CCSER2: variants seen among roughly 807,000 people sequenced by gnomAD.
The protein encoded by CCSER2 is serine-rich coiled-coil domain-containing protein 2.
In CCSER2, 46 loss-of-function variants were observed where a neutral mutation model predicts 92.3. The ratio of observed to expected loss-of-function variants is 0.50; its 90% CI spans 0.39 to 0.64. The LOEUF is 0.64. CCSER2 is among the 30% of genes least tolerant of loss of function. CCSER2 has a pLI of 0.00. For synonymous variants in CCSER2, 433 were observed against 431.4 expected, an observed-to-expected ratio of 1.00 and a Z score of -0.04; for missense variants, 1,244 against 1,238.9, an observed-to-expected ratio of 1.00 and a Z score of -0.06.
intron 5 of CCSER2, among the ~76,000 whole-genome samples, chr10:84,436,987 T>C (rs1414552930): frequency 6.6e-6 from 1 of 152,200 alleles, no homozygotes; most frequent in Non-Finnish European, 1.5e-5. Flanking sequence ...TTTAATGCAT[T>C]ATGAATTTAA....
At chr10:84,444,072 A>G (rs1305336500) in intron 6 of CCSER2, among the ~76,000 whole-genome samples, 2 of 152,124 alleles carry the variant, frequency 1.3e-5, no homozygotes, top group African/African-American at 4.8e-5. Context: ...GCAAACCGCT[A>G]TGGCACATGT....
intron 3 of CCSER2, among the ~76,000 whole-genome samples, chr10:84,408,386 T>C (rs900585238): frequency 1.3e-5 from 2 of 152,142 alleles, no homozygotes; most frequent in Non-Finnish European, 2.9e-5. Flanking sequence ...TAAGGATTTA[T>C]TTATATATGT....
chr10:84,399,481 A>C (rs1385446703), intron 3 of CCSER2, among the ~76,000 whole-genome samples: 1 of 152,170 alleles, frequency 6.6e-6, no homozygotes, highest in African/African-American at 2.4e-5. Context: ...TAAGAGTCGG[A>C]GATAGGAACA....
chr10:84,509,139 T>C (rs897132443), intron 9 of CCSER2, among the ~76,000 whole-genome samples: 16 of 152,226 alleles, frequency 1.1e-4, no homozygotes, highest in African/African-American at 2.7e-4. Context: ...ACCAGACTTA[T>C]TTGGAGGGAA....
intron 3 of CCSER2, 32 bp downstream of exon 3, chr10:84,373,847 T>G (rs1209778204): frequency 6.2e-7 from 1 of 1,612,796 alleles, no homozygotes; most frequent in Admixed American, 1.7e-5. Flanking sequence ...CTTGGAATAT[T>G]TTGTTTACCC....
intron 1 of CCSER2, among the ~76,000 whole-genome samples, chr10:84,358,598 G>A (rs1845316157): frequency 6.7e-6 from 1 of 150,368 alleles, no homozygotes; most frequent in East Asian, 2.0e-4. Flanking sequence ...CTGCATGCTG[G>A]CTTGGGTGAC....
At chr10:84,394,425 T>TGTGTG in intron 3 of CCSER2, among the ~76,000 whole-genome samples, 3 of 90,790 alleles carry the variant, frequency 3.3e-5, no homozygotes, top group East Asian at 4.8e-4. Context: ...GTGTGTGTGT[T>TGTGTG]GGGTCATTCA....
chr10:84,477,505 G>C, intron 8 of CCSER2, 70 bp from the exon 9 acceptor site: 1 of 753,836 alleles, frequency 1.3e-6, no homozygotes, highest in South Asian at 1.8e-5. Flanking sequence ...TTTTCCTAAA[G>C]TTTCTCTTGT....
intron 1 of CCSER2, among the ~76,000 whole-genome samples, chr10:84,358,676 A>G (rs930141151): frequency 7.1e-5 from 10 of 141,626 alleles, no homozygotes; most frequent in South Asian, 6.3e-4. Context: ...ACATATATGT[A>G]TATATATATA....
chr10:84,330,741 C>T (rs976074505), intron 1 of CCSER2, among the ~76,000 whole-genome samples: 4 of 152,008 alleles, frequency 2.6e-5, no homozygotes, highest in Admixed American at 1.3e-4. Flanking sequence ...CTCCTGACCT[C>T]GTGATCCGCC....
chr10:84,508,609 A>G (rs996428800), intron 9 of CCSER2, among the ~76,000 whole-genome samples: 3 of 152,150 alleles, frequency 2.0e-5, no homozygotes, highest in Non-Finnish European at 4.4e-5. Flanking sequence ...CTAAACTTGC[A>G]TGTCTTTGCT....
At chr10:84,435,410 T>G (rs1844046259) in intron 5 of CCSER2, among the ~76,000 whole-genome samples, 1 of 152,106 alleles carries the variant, frequency 6.6e-6, no homozygotes, top group Non-Finnish European at 1.5e-5. Context: ...CATACCTGAT[T>G]CTCATGGCGT....
Position 84,373,646 on chromosome 10 carries a change from CT to C in CCSER2, c.1446del (p.Asn484IlefsTer52). On this transcript the variant is annotated frameshift_variant, in exon 3 of 10. Transcript: ENST00000372088. LOFTEE classifies it high-confidence loss of function. ...AGGAGTGAATGTACAAAACATACTT[CT>C]GGGAATAATTTGGTTTCACCAGATA... is the stretch of plus-strand genomic sequence containing the variant. Reference protein sequence around the residue: ...SDRSECTKHTSGNNLVSPDTD... With the variant: ...SDRSECTKHTXGNNLVSPDTD... The C allele has an allele frequency of 6.2e-7, 1 of 1,612,970 alleles. No homozygotes were observed. The highest frequency in any genetic ancestry group is 8.5e-7 in the Non-Finnish European group (1 of 1,179,312).
intron 8 of CCSER2, among the ~76,000 whole-genome samples, chr10:84,471,326 A>T (rs918542391): frequency 7.9e-5 from 12 of 152,116 alleles, no homozygotes; most frequent in African/African-American, 2.9e-4. Context: ...GTCCTGTCAC[A>T]TACAAAATTA....
Position 84,513,600 on chromosome 10 carries a change from A to C in CCSER2, c.2477A>C (p.His826Pro). The C allele has an allele frequency of 6.2e-7, 1 of 1,612,944 alleles. No individual in the cohort carries two copies. The highest frequency in any genetic ancestry group is 8.5e-7 in the Non-Finnish European group (1 of 1,179,702). ...GGAHPEESFTHVLHQESNYGL... is the reference protein window; with the variant it reads ...GGAHPEESFTPVLHQESNYGL... ...GCACATCCGGAAGAAAGCTTTACAC[A>C]CGTCTTGCACCAAGAAAGCAACTAT... Residue 826 changes from histidine (H) to proline (P), a missense_variant, in exon 10 of 10, where the codon CAC (histidine) becomes CCC (proline). Transcript: ENST00000372088.
chr10:84,390,773 C>T (rs781398617), intron 3 of CCSER2: 4 of 405,124 alleles, frequency 9.9e-6, no homozygotes, highest in African/African-American at 2.0e-5. Context: ...TACTTGGGCT[C>T]TGAAACCTCT....
intron 1 of CCSER2, among the ~76,000 whole-genome samples, chr10:84,360,732 C>T (rs1402278684): frequency 2.0e-5 from 3 of 152,128 alleles, no homozygotes; most frequent in African/African-American, 7.2e-5. Flanking sequence ...GTTAAAAATA[C>T]TTTTTCCTAA....
intron 1 of CCSER2, among the ~76,000 whole-genome samples, chr10:84,351,082 C>T (rs35059210): frequency 0.058 from 8,862 of 152,006 alleles, 372 homozygotes; most frequent in Admixed American, 0.1. Flanking sequence ...ATTTATAAAA[C>T]AATGATATTT....
chr10:84,448,252 C>G (rs1300888507), intron 6 of CCSER2, among the ~76,000 whole-genome samples: 1 of 152,160 alleles, frequency 6.6e-6, no homozygotes, highest in Non-Finnish European at 1.5e-5. Context: ...CCAGGCCATC[C>G]TGTGTGTGGA....
Sources: allele counts gnomAD v4.1 joint callset (sites outside exome capture counted in the v4.1 genomes callset), GRCh38; gene constraint gnomAD v4.1.1; transcripts MANE v1.5; gene names NCBI Gene and HGNC (gene_info 2026-07-23, HGNC 2026-07-21).